PCSK2: variants seen among roughly 807,000 people sequenced by gnomAD.
PCSK2 encodes neuroendocrine convertase 2.
Under a neutral mutation model 69.7 loss-of-function variants are expected in PCSK2, and 14 were observed. That is an observed-to-expected ratio of 0.20 (90% confidence interval 0.13 to 0.31). The LOEUF is 0.31. PCSK2 is among the 10% of genes least tolerant of loss of function. PCSK2 has a pLI of 1.00. For synonymous variants in PCSK2, 307 were observed against 320.7 expected, an observed-to-expected ratio of 0.96 and a Z score of 0.46; for missense variants, 544 against 842.5, an observed-to-expected ratio of 0.65 and a Z score of 4.39.
At chr20:17,452,464 C>T (rs1350452125) in intron 8 of PCSK2, among the ~76,000 whole-genome samples, 1 of 152,196 alleles carries the variant, frequency 6.6e-6, no homozygotes, top group Admixed American at 6.5e-5. Context: ...GATTGTCAGG[C>T]GGCAGAGAGC....
chr20:17,260,302 A>G lies in PCSK2; in HGVS notation c.240A>G (p.Arg80=), dbSNP rs1036702329. ...ATGGCCTTGCAAAGGCCAAGAGAAG[A>G]CGCAGCCTACACCACAAGCAGCAGC... ...YHNGLAKAKR[R]RSLHHKQQLE... is the part of the protein sequence containing the mutation. The change falls in exon 2 of 12, where the codon AGA becomes AGG. Residue 80 remains arginine, a synonymous_variant. Transcript: ENST00000262545. 2 of 1,613,914 alleles carry G rather than the reference A, an allele frequency of 1.2e-6. No homozygotes were observed. Among genetic ancestry groups the G allele is most frequent in the Non-Finnish European group, 1.7e-6 (2 of 1,179,838 alleles).
chr20:17,307,082 A>T (rs560907730), intron 2 of PCSK2, among the ~76,000 whole-genome samples: 2 of 152,216 alleles, frequency 1.3e-5, no homozygotes, highest in African/African-American at 4.8e-5. Flanking sequence ...AGATTATTCA[A>T]TCTTATAGAT....
At chr20:17,433,386 G>GA (rs2032407222) in intron 7 of PCSK2, among the ~76,000 whole-genome samples, 2 of 152,222 alleles carry the variant, frequency 1.3e-5, no homozygotes, top group South Asian at 4.1e-4. Flanking sequence ...GGATGAGCAT[G>GA]AATTTCCTCC....
At chr20:17,303,497 TATA>T (rs1203371955) in intron 2 of PCSK2, among the ~76,000 whole-genome samples, 4 of 40,686 alleles carry the variant, frequency 9.8e-5, no homozygotes, top group Admixed American at 4.7e-4. Context: ...TTATATTTAA[TATA>T]ATATATATTA....
intron 5 of PCSK2, among the ~76,000 whole-genome samples, chr20:17,394,868 T>A (rs549409811): frequency 1.1e-4 from 17 of 152,340 alleles, no homozygotes; most frequent in Middle Eastern, 6.8e-3. Flanking sequence ...GCTGTCCAAG[T>A]TTTTTGGCTT....
At chr20:17,328,343 C>T (rs1279753696) in intron 2 of PCSK2, among the ~76,000 whole-genome samples, 2 of 149,354 alleles carry the variant, frequency 1.3e-5, no homozygotes, top group African/African-American at 2.4e-5. Flanking sequence ...ATATGTTACA[C>T]ATACCATATG....
At chr20:17,469,875 G>A (rs568786305) in intron 11 of PCSK2, among the ~76,000 whole-genome samples, 43 of 152,256 alleles carry the variant, frequency 2.8e-4, no homozygotes, top group African/African-American at 1.0e-3. Flanking sequence ...GAGAAGGTGA[G>A]GCTTGGGTAG....
At chr20:17,340,506 A>G (rs1390283307) in intron 2 of PCSK2, among the ~76,000 whole-genome samples, 1 of 152,136 alleles carries the variant, frequency 6.6e-6, no homozygotes, top group African/African-American at 2.4e-5. Flanking sequence ...TCTTGTCTCT[A>G]TGATTCTTCA....
At chr20:17,451,072 GA>G (rs533490597) in intron 8 of PCSK2, among the ~76,000 whole-genome samples, 9 of 152,260 alleles carry the variant, frequency 5.9e-5, no homozygotes, top group Admixed American at 2.6e-4. Context: ...CCAATCACCA[GA>G]AGCAAGGACA....
At chr20:17,313,953 G>A (rs928033046) in intron 2 of PCSK2, among the ~76,000 whole-genome samples, 3 of 152,074 alleles carry the variant, frequency 2.0e-5, no homozygotes, top group African/African-American at 7.2e-5. Context: ...CCATTTCTCA[G>A]CCAGGATAGC....
chr20:17,349,453 C>T (rs2029905580), intron 2 of PCSK2, among the ~76,000 whole-genome samples: 1 of 152,196 alleles, frequency 6.6e-6, no homozygotes. Context: ...GAAGAACTTA[C>T]TCTGTCACTA....
intron 8 of PCSK2, among the ~76,000 whole-genome samples, chr20:17,448,535 T>C (rs1186963034): frequency 6.6e-6 from 1 of 152,158 alleles, no homozygotes; most frequent in Non-Finnish European, 1.5e-5. Flanking sequence ...CTGCTCTCAC[T>C]GAGCAGGGTT....
intron 2 of PCSK2, among the ~76,000 whole-genome samples, chr20:17,269,359 G>A (rs1398097734): frequency 1.3e-5 from 2 of 152,112 alleles, no homozygotes; most frequent in Non-Finnish European, 2.9e-5. Context: ...GACCAGCAAA[G>A]GAGACAGAAA....
At chr20:17,452,357 C>A (rs770164766) in intron 8 of PCSK2, among the ~76,000 whole-genome samples, 9 of 152,174 alleles carry the variant, frequency 5.9e-5, no homozygotes, top group Admixed American at 2.0e-4. Context: ...TAGTTCCCAG[C>A]TAGTGGTTGA....
At chr20:17,407,328 C>A (rs921556260) in intron 5 of PCSK2, among the ~76,000 whole-genome samples, 1 of 152,156 alleles carries the variant, frequency 6.6e-6, no homozygotes, top group Non-Finnish European at 1.5e-5. Context: ...TTTCCACCCA[C>A]CTCACCTTAG....
intron 1 of PCSK2, among the ~76,000 whole-genome samples, chr20:17,255,434 C>T (rs970198673): frequency 3.3e-5 from 5 of 152,026 alleles, no homozygotes; most frequent in African/African-American, 9.7e-5. Flanking sequence ...CTCTGCCTCC[C>T]GGGTTCATGC....
At chr20:17,233,331 A>T (rs773510918) in intron 1 of PCSK2, among the ~76,000 whole-genome samples, 5 of 152,166 alleles carry the variant, frequency 3.3e-5, no homozygotes, top group Non-Finnish European at 5.9e-5. Flanking sequence ...ATAGGATAAA[A>T]TAGCTATTAC....
intron 1 of PCSK2, among the ~76,000 whole-genome samples, chr20:17,239,781 C>T (rs993661583): frequency 6.8e-6 from 1 of 147,450 alleles, no homozygotes; most frequent in Admixed American, 6.8e-5. Flanking sequence ...GGGATTCAAT[C>T]TTACTGGCCT....
chr20:17,437,149 G>A (rs1356129504), intron 8 of PCSK2, among the ~76,000 whole-genome samples: 1 of 152,134 alleles, frequency 6.6e-6, no homozygotes, highest in African/African-American at 2.4e-5. Context: ...GGGGGGGGAG[G>A]GTCTCAGACA....
Sources: allele counts gnomAD v4.1 joint callset (sites outside exome capture counted in the v4.1 genomes callset), GRCh38; gene constraint gnomAD v4.1.1; transcripts MANE v1.5; gene names NCBI Gene and HGNC (gene_info 2026-07-23, HGNC 2026-07-21).